MSN: variants seen among roughly 807,000 people sequenced by gnomAD.
The protein encoded by MSN is epididymis luminal protein 70.
A neutral mutation model predicts 48.0 loss-of-function variants in MSN; 2 were observed. That is an observed-to-expected ratio of 0.04 (90% CI 0.02 to 0.13). The LOEUF is 0.13. Among genes scored for constraint, MSN ranks in the 10% least tolerant of loss-of-function variants. The probability of loss-of-function intolerance (pLI) is 1.00; values close to 1 mark genes in which losing one functional copy is unlikely to be tolerated. For missense variants in MSN, 267 were observed against 470.1 expected (o/e 0.57, Z 3.99); for synonymous variants, 146 against 166.9 (o/e 0.87, Z 0.97).
intron 1 of MSN, among the ~76,000 whole-genome samples, chrX:65,592,192 CT>C (rs1176549178): frequency 3.6e-3 from 274 of 76,896 alleles, no homozygotes; most frequent in African/African-American, 6.3e-3. Flanking sequence ...CTCTTCATCC[CT>C]TTTTTTTTTT....
chrX:65,696,253 G>A (rs746141495), intron 1 of MSN, among the ~76,000 whole-genome samples: 229 of 86,272 alleles, frequency 2.7e-3, no homozygotes, highest in African/African-American at 0.024. Context: ...ACACACACAC[G>A]AATTATTTCA....
At chrX:65,656,245 A>G (rs1392356247) in intron 1 of MSN, among the ~76,000 whole-genome samples, 1 of 106,144 alleles carries the variant, frequency 9.4e-6, no homozygotes, top group Non-Finnish European at 1.9e-5. Flanking sequence ...GACTGGGAGC[A>G]GAGCTGAAAA....
intron 1 of MSN, among the ~76,000 whole-genome samples, chrX:65,608,561 T>C (rs1466780511): frequency 9.0e-6 from 1 of 110,648 alleles, no homozygotes; most frequent in Non-Finnish European, 1.9e-5. Flanking sequence ...AAACACAGGA[T>C]ATAGGCAGGC....
intron 1 of MSN, among the ~76,000 whole-genome samples, chrX:65,634,338 T>G (rs1457163671): frequency 5.3e-5 from 6 of 112,422 alleles, no homozygotes; most frequent in Non-Finnish European, 9.4e-5. Context: ...GAAGGCCAGG[T>G]GCGGTGGCTC....
intron 1 of MSN, among the ~76,000 whole-genome samples, chrX:65,602,489 C>T (rs2070244424): frequency 1.1e-5 from 1 of 90,167 alleles, no homozygotes; most frequent in Non-Finnish European, 1.9e-5. Context: ...GAGGAATGCT[C>T]TCCAGCTCCA....
At position 65,736,671 on chromosome X, in the gene MSN, C is replaced by T. The variant is rs1210792214; in HGVS notation, c.960-124C>T. On this transcript the variant is annotated intron_variant, in intron 8 of 12. Coordinates refer to ENST00000360270, the MANE Select transcript of MSN (RefSeq NM_002444.3). Reference sequence around the variant, plus strand: ...CAGGATGGTCTCGATCTCCTGACCTCGTGATCTGCCCACCTCGGCCTCCCA... The same window carrying T: ...CAGGATGGTCTCGATCTCCTGACCTTGTGATCTGCCCACCTCGGCCTCCCA... 30 of 733,884 alleles carry T rather than the reference C, an allele frequency of 4.1e-5. No homozygotes were observed. The East Asian group carries it at 9.0e-4, about 22-fold the overall frequency. 60.5% of individuals were successfully genotyped at this position (733,884 alleles called of 1,213,427 possible). A position where few individuals can be genotyped will look rare whatever the true frequency, so the allele number is the denominator to read the frequency against.
At chrX:65,608,633 A>G (rs896398625) in intron 1 of MSN, among the ~76,000 whole-genome samples, 1 of 110,987 alleles carries the variant, frequency 9.0e-6, no homozygotes, top group African/African-American at 3.3e-5. Flanking sequence ...CTAAGCATGC[A>G]GTGTGTGCTG....
At chrX:65,692,546 TAGTC>T (rs1227765198) in intron 1 of MSN, among the ~76,000 whole-genome samples, 1 of 112,684 alleles carries the variant, frequency 8.9e-6, no homozygotes, top group Non-Finnish European at 1.9e-5. Flanking sequence ...GCCTTGCAGA[TAGTC>T]AGTGGAGTTA....
rs745710705 is a variant in MSN, at chrX:65,652,914, G to A, written c.-21-63904G>A. Among the ~76,000 whole-genome samples, 7 of 111,791 alleles carry A rather than the reference G, an allele frequency of 6.3e-5. No homozygotes were observed. The East Asian group carries it at 2.0e-3, about 31-fold the overall frequency. ...GGATATGGGAGAGGTGGATTTAGGC[G>A]GTGATGAAGGACCATGCTCTAAGAT... On this transcript the variant is annotated intron_variant, in intron 1 of 3. Coordinates refer to the MSN transcript ENST00000609672.
chrX:65,704,771 G>GTT (rs367932812), intron 1 of MSN, among the ~76,000 whole-genome samples: 17 of 97,500 alleles, frequency 1.7e-4, no homozygotes, highest in Admixed American at 3.4e-4. Context: ...CAAAAGCCAG[G>GTT]TTTTTTTTTT....
At chrX:65,623,368 C>CTTTTTTTTTTTTTTTTTTCTTTTTTTTT in intron 1 of MSN, among the ~76,000 whole-genome samples, 1 of 74,173 alleles carries the variant, frequency 1.3e-5, no homozygotes, top group Non-Finnish European at 2.7e-5. Context: ...TCTTTCTTTT[C>CTTTTTTTTTTTTTTTTTTCTTTTTTTTT]TTTTTTTTTT....
At chrX:65,629,198 G>C (rs2070534643) in intron 1 of MSN, among the ~76,000 whole-genome samples, 2 of 111,492 alleles carry the variant, frequency 1.8e-5, no homozygotes, top group African/African-American at 6.5e-5. Context: ...CAAATCTCTA[G>C]GGCAGGGGCA....
intron 2 of MSN, among the ~76,000 whole-genome samples, chrX:65,726,206 A>T (rs1017696643): frequency 9.0e-6 from 1 of 111,466 alleles, no homozygotes; most frequent in African/African-American, 3.3e-5. Flanking sequence ...CTGGATGGGA[A>T]ATTTGGGCCA....
In MSN at chrX:65,727,883, T is replaced by C; in HGVS notation, c.166T>C (p.Ser56Pro). The C allele has an allele frequency of 8.3e-7, 1 of 1,208,776 alleles. No individual in the cohort carries two copies. The highest frequency in any genetic ancestry group is 1.1e-6 in the Non-Finnish European group (1 of 892,765). ...GLQYQDTKGF[S>P]TWLKLNKKVT... The stretch of plus-strand genomic sequence containing the variant: ...GCAGTACCAGGACACTAAAGGTTTC[T>C]CCACCTGGCTGAAACTCAATAAGAA... The change falls in exon 3 of 13, where the codon TCC becomes CCC. Residue 56 changes from serine (S) to proline (P), a missense_variant. Physicochemically the swap from Ser to Pro is moderately conservative, Grantham distance 74. This residue lies in a region of MSN where 89 missense variants were observed against 151.0 expected (regional missense o/e 0.59). Coordinates refer to ENST00000360270, the MANE Select transcript of MSN (RefSeq NM_002444.3).
At chrX:65,596,703 G>C (rs2070189814) in intron 1 of MSN, among the ~76,000 whole-genome samples, 1 of 106,968 alleles carries the variant, frequency 9.3e-6, no homozygotes, top group Non-Finnish European at 1.9e-5. Flanking sequence ...ATGGAGGGGT[G>C]GGGGGAATGA....
At position 65,618,443 on chromosome X, in the gene MSN, TC is replaced by T. The variant is rs35668872; in HGVS notation, c.-22+29834del. ...TAGTTAGCTCTTCTTGTTGAATTGATCCCTTTACCATTATGTAATGGCCTTC... is the reference window on the plus strand; with the variant it reads ...TAGTTAGCTCTTCTTGTTGAATTGATCCTTTACCATTATGTAATGGCCTTC... On this transcript the variant is annotated intron_variant, in intron 1 of 3. Coordinates refer to the MSN transcript ENST00000609672. 6.1e-3 allele frequency among the ~76,000 whole-genome samples: 683 copies of T among 111,648 alleles called. 6 individuals are homozygous for T. Among genetic ancestry groups the T allele is most frequent in the African/African-American group, 0.02 (606 of 30,696 alleles).
At chrX:65,738,750 C>T in intron 11 of MSN, 133 bp downstream of exon 11, 1 of 653,536 alleles carries the variant, frequency 1.5e-6, no homozygotes, top group Non-Finnish European at 2.3e-6. Context: ...TGGGAGAAGG[C>T]ACTCATGGTT....
chrX:65,630,930 C>T (rs1213324006), intron 1 of MSN, among the ~76,000 whole-genome samples: 2 of 111,280 alleles, frequency 1.8e-5, no homozygotes, highest in Non-Finnish European at 3.8e-5. Flanking sequence ...CATTTTTCCT[C>T]AGTTACCTGC....
intron 1 of MSN, among the ~76,000 whole-genome samples, chrX:65,694,154 A>G (rs2071205835): frequency 1.8e-5 from 2 of 111,130 alleles, no homozygotes; most frequent in Admixed American, 9.5e-5. Context: ...GCTCAAGAGT[A>G]TGAGTATATC....
Sources: gnomAD v4.1 joint callset for allele counts (sites outside exome capture counted in the v4.1 genomes callset) on GRCh38, gnomAD v4.1.1 for gene constraint, gnomAD v4.1.1 regional missense constraint, MANE v1.5 for transcripts, NCBI Gene and HGNC (gene_info 2026-07-23, HGNC 2026-07-21) for gene names.